AKAP19: variants seen among roughly 807,000 people sequenced by gnomAD.
AKAP19 encodes A-kinase anchoring protein 19.
the AKAP19 span, among the ~76,000 whole-genome samples, chr2:190,162,474 A>G: frequency 1.3e-5 from 2 of 152,176 alleles, no homozygotes; most frequent in Non-Finnish European, 2.9e-5. Context: ...GAAAAAAAGT[A>G]TAATTGCTAA....
the AKAP19 span, among the ~76,000 whole-genome samples, chr2:189,894,593 C>T: frequency 6.6e-6 from 1 of 151,738 alleles, no homozygotes; most frequent in Non-Finnish European, 1.5e-5. Flanking sequence ...CCATATCAGA[C>T]AATTAAATTT....
chr2:189,886,312 T>C, the AKAP19 span, among the ~76,000 whole-genome samples: 2 of 152,204 alleles, frequency 1.3e-5, no homozygotes, highest in South Asian at 4.2e-4. Flanking sequence ...TTAGCTTTTC[T>C]TTTAACTTTG....
the AKAP19 span, among the ~76,000 whole-genome samples, chr2:189,947,806 T>C: frequency 2.6e-5 from 4 of 152,134 alleles, no homozygotes; most frequent in African/African-American, 9.6e-5. Flanking sequence ...TTTAGTGATT[T>C]CCGATTCTAA....
chr2:190,084,247 C>T, the AKAP19 span, among the ~76,000 whole-genome samples: 1 of 152,110 alleles, frequency 6.6e-6, no homozygotes, highest in Admixed American at 6.5e-5. Context: ...CGCCCACCAC[C>T]ATGCCTGGCT....
the AKAP19 span, among the ~76,000 whole-genome samples, chr2:190,123,538 T>C: frequency 2.6e-5 from 4 of 152,220 alleles, no homozygotes; most frequent in African/African-American, 7.2e-5. Flanking sequence ...GTCTTCCACA[T>C]TTAATTTAAG....
the AKAP19 span, among the ~76,000 whole-genome samples, chr2:190,175,061 T>C: frequency 1.4e-5 from 2 of 148,036 alleles, no homozygotes; most frequent in Non-Finnish European, 3.0e-5. Flanking sequence ...GGGGTAGGGG[T>C]GGTAGAATAA....
At chr2:190,163,420 C>A in the AKAP19 span, among the ~76,000 whole-genome samples, 1 of 147,126 alleles carries the variant, frequency 6.8e-6, no homozygotes, top group Non-Finnish European at 1.5e-5. Context: ...GGAGACACAG[C>A]GAGACTCCGT....
At chr2:189,951,943 T>C in the AKAP19 span, among the ~76,000 whole-genome samples, 6 of 152,214 alleles carry the variant, frequency 3.9e-5, no homozygotes, top group Non-Finnish European at 7.3e-5. Flanking sequence ...AAGAACATTC[T>C]TAACACTGGA....
the AKAP19 span, among the ~76,000 whole-genome samples, chr2:190,155,465 TAATAC>T: frequency 6.6e-6 from 1 of 152,080 alleles, no homozygotes; most frequent in East Asian, 1.9e-4. Flanking sequence ...GGGGCAAAAT[TAATAC>T]AATATAATGA....
chr2:190,076,455 G>A, the AKAP19 span, among the ~76,000 whole-genome samples: 56 of 152,218 alleles, frequency 3.7e-4, no homozygotes, highest in East Asian at 0.01. Flanking sequence ...AAATCCTTTA[G>A]CATTTATTTT....
At chr2:189,978,992 A>G in the AKAP19 span, among the ~76,000 whole-genome samples, 1 of 152,182 alleles carries the variant, frequency 6.6e-6, no homozygotes, top group Non-Finnish European at 1.5e-5. Context: ...TATCATTAAA[A>G]TGACCATACC....
At chr2:189,884,396 G>A in the AKAP19 span, among the ~76,000 whole-genome samples, 1 of 151,982 alleles carries the variant, frequency 6.6e-6, no homozygotes, top group Non-Finnish European at 1.5e-5. Context: ...TACTAAATAC[G>A]TATGATACTC....
chr2:189,972,854 G>T, the AKAP19 span, among the ~76,000 whole-genome samples: 2 of 152,234 alleles, frequency 1.3e-5, no homozygotes, highest in Admixed American at 6.5e-5. Flanking sequence ...CCTTGCTAAA[G>T]TTGCTTATCA....
At chr2:190,156,013 G>T in the AKAP19 span, among the ~76,000 whole-genome samples, 1 of 152,026 alleles carries the variant, frequency 6.6e-6, no homozygotes, top group Non-Finnish European at 1.5e-5. Flanking sequence ...TGATCTTAAA[G>T]GCTATATGGA....
At chr2:189,880,808 G>A in the AKAP19 span, among the ~76,000 whole-genome samples, 1 of 152,088 alleles carries the variant, frequency 6.6e-6, no homozygotes, top group Non-Finnish European at 1.5e-5. Flanking sequence ...CCCAAATGTT[G>A]ATCACTAACT....
At chr2:190,017,314 T>C in the AKAP19 span, among the ~76,000 whole-genome samples, 1 of 152,166 alleles carries the variant, frequency 6.6e-6, no homozygotes. Context: ...ACTGCTATTT[T>C]GTAATTTGTC....
At chr2:190,153,122 T>C in the AKAP19 span, among the ~76,000 whole-genome samples, 83 of 152,270 alleles carry the variant, frequency 5.5e-4, no homozygotes, top group African/African-American at 1.6e-3. Flanking sequence ...GTCTCGATCT[T>C]CTGACCTTGT....
chr2:189,906,373 C>A, the AKAP19 span, among the ~76,000 whole-genome samples: 1 of 151,924 alleles, frequency 6.6e-6, no homozygotes, highest in Non-Finnish European at 1.5e-5. Context: ...TAATCTCACC[C>A]CCTGGAAATA....
chr2:190,077,499 T>C, the AKAP19 span, among the ~76,000 whole-genome samples: 1 of 152,132 alleles, frequency 6.6e-6, no homozygotes, highest in Non-Finnish European at 1.5e-5. Flanking sequence ...AATGTTAAAA[T>C]GTTAATGTTG....
Sources: gnomAD v4.1 joint callset for allele counts (sites outside exome capture counted in the v4.1 genomes callset) on GRCh38, gnomAD v4.1.1 for gene constraint, MANE v1.5 for transcripts, NCBI Gene and HGNC (gene_info 2026-07-23, HGNC 2026-07-21) for gene names.